Variants in CNTN1 observed in about 807,000 individuals in gnomAD.
CNTN1 encodes contactin 1.
CNTN1 carries 38 observed loss-of-function variants against 126.4 expected under a neutral mutation model. The ratio of observed to expected loss-of-function variants is 0.30; its 90% CI spans 0.23 to 0.39. CNTN1 has a LOEUF of 0.39. Ranked by LOEUF, CNTN1 falls within the 10% of genes least tolerant of loss-of-function variation. The probability of loss-of-function intolerance (pLI) is 1.00; values close to 1 mark genes in which losing one functional copy is unlikely to be tolerated. For synonymous variants in CNTN1, 413 were observed against 422.6 expected (o/e 0.98, Z 0.28); for missense variants, 1,009 against 1,248.4 (o/e 0.81, Z 2.89).
chr12:41,011,602 G>A (rs1290873395), intron 17 of CNTN1, among the ~76,000 whole-genome samples: 1 of 152,166 alleles, frequency 6.6e-6, no homozygotes, highest in Non-Finnish European at 1.5e-5. Context: ...GGAACCAGAG[G>A]AACTAAGTGG....
chr12:40,991,525 G>A (rs1359652764), intron 16 of CNTN1, among the ~76,000 whole-genome samples: 5 of 152,044 alleles, frequency 3.3e-5, no homozygotes, highest in East Asian at 1.9e-4. Flanking sequence ...ATTGAAAAGT[G>A]TCCAGTAAAA....
chr12:40,925,215 CAAA>C (rs1239335249), intron 6 of CNTN1, among the ~76,000 whole-genome samples: 1 of 151,742 alleles, frequency 6.6e-6, no homozygotes, highest in Non-Finnish European at 1.5e-5. Flanking sequence ...ATGGCTAAGA[CAAA>C]AGCCACCAAA....
At chr12:40,837,023 A>G (rs1351320792) in intron 1 of CNTN1, among the ~76,000 whole-genome samples, 1 of 152,192 alleles carries the variant, frequency 6.6e-6, no homozygotes, top group Admixed American at 6.5e-5. Flanking sequence ...TTATATATTC[A>G]GTGATATTTC....
Position 40,873,622 on chromosome 12 carries a change from C to T in CNTN1, c.-76-34735C>T, listed in dbSNP as rs148334522. ...AGGATATTTATAATGATATGAAAAG[C>T]CTTAACATATGTTTTTGCAGTCCAT... is the stretch of plus-strand genomic sequence containing the variant. On this transcript the variant is annotated intron_variant, in intron 1 of 23. Transcript: ENST00000551295. Among the ~76,000 whole-genome samples, 522 of 152,204 alleles carry T rather than the reference C, an allele frequency of 3.4e-3. 3 individuals carry two copies. The highest frequency in any genetic ancestry group is 0.012 in the African/African-American group (499 of 41,532).
In CNTN1 at chr12:40,706,718, T is replaced by TTAGTGTGG. The variant is rs1941750068; in HGVS notation, c.-77+14126_-77+14127insTAGTGTGG. ...GGAAGGTTGTCTATTTATTAGCAGA[T>TTAGTGTGG]GCCCACACTACTTCTTCCATATTGG... On this transcript the variant is annotated intron_variant, in intron 1 of 23. Transcript: ENST00000551295. Among the ~76,000 whole-genome samples the TTAGTGTGG allele has an allele frequency of 2.6e-5, 4 of 152,360 alleles. No homozygotes were observed. In the South Asian group the frequency reaches 6.2e-4, roughly 24 times the overall value.
intron 15 of CNTN1, among the ~76,000 whole-genome samples, chr12:40,969,460 G>C (rs1947421846): frequency 6.6e-6 from 1 of 152,082 alleles, no homozygotes; most frequent in Non-Finnish European, 1.5e-5. Context: ...CTGACGCTTA[G>C]CTAGGATACC....
chr12:40,731,428 G>A (rs901567059), intron 1 of CNTN1, among the ~76,000 whole-genome samples: 3 of 151,936 alleles, frequency 2.0e-5, no homozygotes, highest in African/African-American at 4.8e-5. Context: ...TAAAGCAACC[G>A]TTAATTTTCA....
chr12:40,738,322 T>C (rs1242601616), intron 1 of CNTN1, among the ~76,000 whole-genome samples: 1 of 152,002 alleles, frequency 6.6e-6, no homozygotes. Context: ...CTGTTTTATT[T>C]TGGGAGATGG....
chr12:40,698,514 G>A (rs1244693295), intron 1 of CNTN1, among the ~76,000 whole-genome samples: 1 of 152,012 alleles, frequency 6.6e-6, no homozygotes, highest in Non-Finnish European at 1.5e-5. Flanking sequence ...GAGATTACAG[G>A]CGTGAGCCAC....
intron 1 of CNTN1, among the ~76,000 whole-genome samples, chr12:40,765,070 G>T (rs1418528516): frequency 2.0e-5 from 3 of 150,660 alleles, no homozygotes; most frequent in Non-Finnish European, 4.4e-5. Context: ...TATATATTAG[G>T]TCATATAGAA....
chr12:40,737,349 ATGTGTG>A (rs1185641804), intron 1 of CNTN1, among the ~76,000 whole-genome samples: 3 of 116,102 alleles, frequency 2.6e-5, no homozygotes, highest in Non-Finnish European at 5.2e-5. Context: ...GTGTGTATAT[ATGTGTG>A]TGTGTATATA....
chr12:40,917,487 A>C (rs549195209), intron 3 of CNTN1, among the ~76,000 whole-genome samples: 1 of 152,306 alleles, frequency 6.6e-6, no homozygotes, highest in African/African-American at 2.4e-5. Flanking sequence ...TTTAAATGAC[A>C]TAATGAAACT....
At chr12:40,721,393 T>C (rs1245105807) in intron 1 of CNTN1, among the ~76,000 whole-genome samples, 1 of 152,120 alleles carries the variant, frequency 6.6e-6, no homozygotes, top group East Asian at 1.9e-4. Flanking sequence ...TTATGTCATA[T>C]AAAGGTCTCT....
chr12:40,754,829 C>G (rs548919533), intron 1 of CNTN1, among the ~76,000 whole-genome samples: 99 of 152,020 alleles, frequency 6.5e-4, no homozygotes, highest in Non-Finnish European at 1.2e-3. Flanking sequence ...GAACTCTATG[C>G]CTTCTATTAG....
intron 1 of CNTN1, among the ~76,000 whole-genome samples, chr12:40,886,579 C>T (rs913418178): frequency 1.3e-5 from 2 of 152,064 alleles, no homozygotes; most frequent in African/African-American, 4.8e-5. Context: ...TAATTAGATC[C>T]CATTTGTCAA....
At position 41,071,830 on chromosome 12, in the gene CNTN1, G is replaced by GT. The variant is rs1049951695; in HGVS notation, c.*1798dup. The GT allele has an allele frequency of 2.0e-5, 3 of 152,118 alleles. No individual in the cohort carries two copies. The highest frequency in any genetic ancestry group is 7.2e-5 in the African/African-American group (3 of 41,434). The allele number at this position is 152,118 out of a possible 1,614,324, so 9.4% of individuals were successfully genotyped here. On this transcript the variant is annotated 3_prime_UTR_variant, in exon 24 of 24. Coordinates refer to ENST00000551295, the MANE Select transcript of CNTN1 (RefSeq NM_001843.4). The stretch of plus-strand genomic sequence containing the variant: ...TACCCTGTATACCTTCTGTACAAAT[G>GT]TTTGTGTTTTCATTGTTACACTTTG...
Position 40,755,999 on chromosome 12 carries a change from A to G in CNTN1, c.-77+63407A>G, listed in dbSNP as rs558842341. Among the ~76,000 whole-genome samples, 10 of 152,226 alleles carry G rather than the reference A, an allele frequency of 6.6e-5. No individual in the cohort carries two copies. The South Asian group carries it at 2.1e-3, about 32-fold the overall frequency. ...ATGTAAAGTGAAAACATTCTGTATG[A>G]TTATATGGTGTGTTTTGTTTTTCTA... On this transcript the variant is annotated intron_variant, in intron 1 of 23. Transcript: ENST00000551295.
chr12:40,933,590 T>C, intron 8 of CNTN1, 30 bp downstream of exon 8: 1 of 1,527,780 alleles, frequency 6.5e-7, no homozygotes, highest in Non-Finnish European at 9.1e-7. Context: ...TATTAATATA[T>C]ATAGAAATAG....
intron 1 of CNTN1, among the ~76,000 whole-genome samples, chr12:40,773,664 TATATATATACAC>T (rs1939448615): frequency 1.5e-3 from 12 of 8,088 alleles, no homozygotes; most frequent in African/African-American, 2.3e-3. Flanking sequence ...TACACATATA[TATATATATACAC>T]ATATATATAT....
Sources: gnomAD v4.1 joint callset for allele counts (sites outside exome capture counted in the v4.1 genomes callset) on GRCh38, gnomAD v4.1.1 for gene constraint, MANE v1.5 for transcripts, NCBI Gene and HGNC (gene_info 2026-07-23, HGNC 2026-07-21) for gene names.